Variants in XYLT1 observed in about 807,000 individuals in gnomAD.
XYLT1 encodes xylosyltransferase 1.
XYLT1 carries 36 observed loss-of-function variants against 91.3 expected under a neutral mutation model. That is an observed-to-expected ratio of 0.39 (90% CI 0.30 to 0.52). XYLT1 has a LOEUF of 0.52. Ranked by LOEUF, XYLT1 falls within the 20% of genes least tolerant of loss-of-function variation. The probability of loss-of-function intolerance (pLI) is 0.68; values close to 1 mark genes in which losing one functional copy is unlikely to be tolerated. For missense variants in XYLT1, 1,242 were observed against 1,284.5 expected, an observed-to-expected ratio of 0.97 and a Z score of 0.51; for synonymous variants, 588 against 532.0, an observed-to-expected ratio of 1.11 and a Z score of -1.45.
intron 1 of XYLT1, among the ~76,000 whole-genome samples, chr16:17,467,155 G>A (rs1337415416): frequency 3.9e-5 from 6 of 152,214 alleles, no homozygotes; most frequent in South Asian, 2.1e-4. Context: ...TGCTTATGTA[G>A]GGCGGCAGGC....
intron 1 of XYLT1, among the ~76,000 whole-genome samples, chr16:17,428,653 G>A (rs2036348659): frequency 1.3e-5 from 2 of 152,178 alleles, no homozygotes; most frequent in South Asian, 4.1e-4. Flanking sequence ...TGAGACATCT[G>A]TAGCCGCAGC....
chr16:17,290,656 G>A (rs2034209370), intron 2 of XYLT1, among the ~76,000 whole-genome samples: 1 of 152,234 alleles, frequency 6.6e-6, no homozygotes, highest in Non-Finnish European at 1.5e-5. Flanking sequence ...TGTGTTAGAT[G>A]TGGAATAATC....
At chr16:17,129,072 G>A (rs369407065) in intron 9 of XYLT1, among the ~76,000 whole-genome samples, 118 of 95,188 alleles carry the variant, frequency 1.2e-3, no homozygotes, top group Admixed American at 1.5e-3. Context: ...AGGGAGCATA[G>A]AAAAAAAAAA....
intron 6 of XYLT1, among the ~76,000 whole-genome samples, chr16:17,153,988 G>C (rs749842233): frequency 6.6e-6 from 1 of 152,260 alleles, no homozygotes. Flanking sequence ...CAGCTCTGTC[G>C]TTCACTAGCT....
intron 1 of XYLT1, among the ~76,000 whole-genome samples, chr16:17,429,277 C>T (rs2036358894): frequency 6.6e-6 from 1 of 152,204 alleles, no homozygotes; most frequent in Non-Finnish European, 1.5e-5. Flanking sequence ...AATGGTCTTT[C>T]TTTCCTTGCC....
chr16:17,343,389 G>A (rs1407298417), intron 2 of XYLT1, among the ~76,000 whole-genome samples: 6 of 152,178 alleles, frequency 3.9e-5, no homozygotes, highest in Non-Finnish European at 1.5e-5. Context: ...GGTGGGCTTG[G>A]GGTCTCCATC....
chr16:17,240,975 T>A (rs2033336394), intron 3 of XYLT1, among the ~76,000 whole-genome samples: 9 of 152,192 alleles, frequency 5.9e-5, no homozygotes, highest in Admixed American at 5.9e-4. Flanking sequence ...ACAGGACCAT[T>A]TCCAGTATTC....
rs373287850 is a variant in XYLT1 at position 17,272,867 on chromosome 16, A to G, written c.403-13369T>C. ...TTGCCTCGGAGATCTCAGAACCCCA[A>G]AAGATCCTTGTATTCCAGAGTGTTT... On this transcript the variant is annotated intron_variant, in intron 2 of 11. Transcript: ENST00000261381. 3.1e-4 allele frequency among the ~76,000 whole-genome samples: 47 copies of G among 152,248 alleles called. No individual in the cohort carries two copies. In the East Asian group the frequency reaches 7.4e-3, roughly 24 times the overall value.
At chr16:17,361,755 T>A (rs1055840125) in intron 1 of XYLT1, among the ~76,000 whole-genome samples, 1 of 152,246 alleles carries the variant, frequency 6.6e-6, no homozygotes, top group African/African-American at 2.4e-5. Flanking sequence ...AAATGATTAC[T>A]CAGAATCCTT....
intron 2 of XYLT1, among the ~76,000 whole-genome samples, chr16:17,277,390 AC>A (rs2033993541): frequency 6.7e-6 from 1 of 150,280 alleles, no homozygotes; most frequent in African/African-American, 2.5e-5. Context: ...TACTGTCACC[AC>A]CTTTTTGCTT....
At chr16:17,397,827 CTTTTTTTTTTTT>C (rs749199983) in intron 1 of XYLT1, among the ~76,000 whole-genome samples, 1 of 108,732 alleles carries the variant, frequency 9.2e-6, no homozygotes, top group African/African-American at 3.8e-5. Context: ...TTGAATAGCT[CTTTTTTTTTTTT>C]TTTTTTTTTG....
chr16:17,287,350 G>A (rs750584512), intron 2 of XYLT1, among the ~76,000 whole-genome samples: 10 of 151,948 alleles, frequency 6.6e-5, no homozygotes, highest in Non-Finnish European at 1.5e-4. Context: ...GAACGTAGAC[G>A]GATCCCTCTA....
intron 2 of XYLT1, among the ~76,000 whole-genome samples, chr16:17,295,299 G>A (rs2034292296): frequency 6.6e-6 from 1 of 151,966 alleles, no homozygotes; most frequent in Non-Finnish European, 1.5e-5. Context: ...GGAAGAAATG[G>A]GGGATAGATC....
At chr16:17,360,283 G>A (rs2035363947) in intron 1 of XYLT1, among the ~76,000 whole-genome samples, 1 of 152,178 alleles carries the variant, frequency 6.6e-6, no homozygotes, top group African/African-American at 2.4e-5. Context: ...AGGGGAGAAT[G>A]CCATCCTGAC....
intron 3 of XYLT1, chr16:17,249,790 T>A (rs1432154042): frequency 3.9e-5 from 6 of 152,270 alleles, no homozygotes; most frequent in African/African-American, 1.2e-4. Flanking sequence ...TGCCTCAGCC[T>A]CTTGAGTAGC....
At chr16:17,463,260 GCAAA>G (rs2036844819) in intron 1 of XYLT1, among the ~76,000 whole-genome samples, 1 of 152,186 alleles carries the variant, frequency 6.6e-6, no homozygotes, top group South Asian at 2.1e-4. Flanking sequence ...CTTCTGCACG[GCAAA>G]CAATCAACAA....
intron 11 of XYLT1, 111 bp downstream of exon 11, chr16:17,117,535 G>C: frequency 8.5e-7 from 1 of 1,182,528 alleles, no homozygotes; most frequent in Non-Finnish European, 1.2e-6. Flanking sequence ...GTGCTGTTCT[G>C]TGAGGCCGCT....
intron 9 of XYLT1, among the ~76,000 whole-genome samples, chr16:17,132,742 A>C (rs1011008858): frequency 6.6e-6 from 1 of 152,144 alleles, no homozygotes; most frequent in Non-Finnish European, 1.5e-5. Context: ...GTCTCTACTA[A>C]AAATACAAAA....
intron 2 of XYLT1, among the ~76,000 whole-genome samples, chr16:17,310,531 T>C (rs2141820899): frequency 6.6e-6 from 1 of 152,186 alleles, no homozygotes; most frequent in East Asian, 1.9e-4. Context: ...TCAGTAAACA[T>C]CTGTGGAATA....
Sources: allele counts gnomAD v4.1 joint callset (sites outside exome capture counted in the v4.1 genomes callset), GRCh38; gene constraint gnomAD v4.1.1; transcripts MANE v1.5; gene names NCBI Gene and HGNC (gene_info 2026-07-23, HGNC 2026-07-21).